Variants in STAG1 observed in about 807,000 individuals in gnomAD.
STAG1 encodes STAG1 cohesin complex component, also known as cohesin subunit SA-1.
Under a neutral mutation model 170.9 loss-of-function variants are expected in STAG1, and 26 were observed. The observed-to-expected ratio is 0.15, with a 90% CI of 0.11 to 0.21. STAG1 has a LOEUF of 0.21. STAG1 is among the 10% of genes least tolerant of loss of function. STAG1 has a pLI of 1.00. For synonymous variants in STAG1, 514 were observed against 497.7 expected (o/e 1.03, Z -0.44); for missense variants, 964 against 1,509.5 (o/e 0.64, Z 5.99).
intron 16 of STAG1, 97 bp downstream of exon 16, chr3:136,433,459 T>G: frequency 4.8e-6 from 4 of 836,488 alleles, no homozygotes; most frequent in African/African-American, 1.7e-5. Flanking sequence ...AAACACCATG[T>G]TTTTAGGGAT....
At chr3:136,439,267 C>T (rs2088557446) in intron 15 of STAG1, among the ~76,000 whole-genome samples, 2 of 148,560 alleles carry the variant, frequency 1.3e-5, no homozygotes, top group African/African-American at 5.0e-5. Flanking sequence ...AGCTGATATC[C>T]AGAAGTTACT....
In STAG1 at chr3:136,652,732, T is replaced by C. The variant is rs146945377; in HGVS notation, c.-83-21751A>G. Among the ~76,000 whole-genome samples the C allele has an allele frequency of 3.5e-3, 532 of 152,274 alleles. 2 individuals carry two copies. The highest frequency in any genetic ancestry group is 4.9e-3 in the Non-Finnish European group (332 of 68,012). On this transcript the variant is annotated intron_variant, in intron 1 of 33. Transcript: ENST00000383202. ...AAAATCTGTTAACATCTCCCTCCGA[T>C]AGCAATAACCAATCAGAAATTAAAA... is the stretch of plus-strand genomic sequence containing the variant.
intron 25 of STAG1, 55 bp downstream of exon 25, chr3:136,366,888 T>G: frequency 6.9e-7 from 1 of 1,439,320 alleles, no homozygotes; most frequent in Non-Finnish European, 9.5e-7. Context: ...TCCTTTCAAT[T>G]GCTAATTTCT....
At chr3:136,658,041 G>C (rs1364597604) in intron 1 of STAG1, among the ~76,000 whole-genome samples, 2 of 152,012 alleles carry the variant, frequency 1.3e-5, no homozygotes, top group Admixed American at 1.3e-4. Context: ...AACAAAATGA[G>C]GCTGGGTGCA....
chr3:136,625,635 T>C (rs144702760), intron 2 of STAG1, among the ~76,000 whole-genome samples: 96 of 152,232 alleles, frequency 6.3e-4, no homozygotes, highest in African/African-American at 2.2e-3. Context: ...ATCAGTCTTC[T>C]TGTGCCTCCT....
intron 1 of STAG1, among the ~76,000 whole-genome samples, chr3:136,751,453 T>C (rs1935232813): frequency 6.6e-6 from 1 of 151,594 alleles, no homozygotes; most frequent in Non-Finnish European, 1.5e-5. Flanking sequence ...GAAAACAACT[T>C]TTATTGGCCT....
At chr3:136,691,791 C>G (rs1222671474) in intron 1 of STAG1, among the ~76,000 whole-genome samples, 3 of 152,182 alleles carry the variant, frequency 2.0e-5, no homozygotes, top group African/African-American at 7.2e-5. Context: ...ATCTTCCTTA[C>G]AAGCCAGCTA....
chr3:136,489,319 A>T (rs943021337), intron 9 of STAG1, among the ~76,000 whole-genome samples: 1 of 152,204 alleles, frequency 6.6e-6, no homozygotes, highest in Non-Finnish European at 1.5e-5. Context: ...TTCTCAGCAG[A>T]TGGAAGTTTA....
chr3:136,363,522 A>G lies in STAG1; in HGVS notation c.2686-55T>C, dbSNP rs1352373273. ...TAAAATTACTGACATTTCATGAGAT[A>G]AAGAATAGGTTGGTGTCACCTCCTT... On this transcript the variant is annotated intron_variant, in intron 25 of 33. Transcript: ENST00000383202. 6.9e-6 allele frequency: 5 copies of G among 723,218 alleles called. No individual in the cohort carries two copies. The East Asian group carries it at 8.7e-5, about 13-fold the overall frequency. 44.8% of individuals were successfully genotyped at this position (723,218 alleles called of 1,614,324 possible). A position where few individuals can be genotyped will look rare whatever the true frequency, so the allele number is the denominator to read the frequency against.
chr3:136,701,494 T>C (rs1247515966), intron 1 of STAG1, among the ~76,000 whole-genome samples: 1 of 152,106 alleles, frequency 6.6e-6, no homozygotes, highest in Admixed American at 6.6e-5. Flanking sequence ...CTAGAAGTTA[T>C]TGTATCCTAT....
At chr3:136,744,928 G>A (rs879324069) in intron 1 of STAG1, among the ~76,000 whole-genome samples, 9 of 152,034 alleles carry the variant, frequency 5.9e-5, no homozygotes, top group South Asian at 2.1e-4. Flanking sequence ...CACCCGCCTC[G>A]GCCTCCCAGA....
intron 21 of STAG1, among the ~76,000 whole-genome samples, chr3:136,413,943 C>T (rs1028301420): frequency 7.9e-5 from 12 of 152,194 alleles, no homozygotes; most frequent in Admixed American, 6.5e-4. Flanking sequence ...TTTGGTTTCG[C>T]AGTGCATATA....
intron 3 of STAG1, among the ~76,000 whole-genome samples, chr3:136,608,864 C>T (rs1939107301): frequency 6.7e-6 from 1 of 149,886 alleles, no homozygotes; most frequent in African/African-American, 2.5e-5. Context: ...AGTACCTTTG[C>T]TTCTAGGTTC....
chr3:136,750,774 A>C (rs1935186216), intron 1 of STAG1, among the ~76,000 whole-genome samples: 1 of 152,248 alleles, frequency 6.6e-6, no homozygotes, highest in African/African-American at 2.4e-5. Flanking sequence ...ATCAAAAGCA[A>C]GGAAATAACA....
At chr3:136,375,243 T>C (rs570716417) in intron 23 of STAG1, among the ~76,000 whole-genome samples, 14 of 152,322 alleles carry the variant, frequency 9.2e-5, no homozygotes, top group Middle Eastern at 6.8e-3. Flanking sequence ...AATTTAATTA[T>C]ATAGAGACTT....
At chr3:136,514,090 T>G (rs912636167) in intron 7 of STAG1, among the ~76,000 whole-genome samples, 11 of 152,222 alleles carry the variant, frequency 7.2e-5, no homozygotes, top group Non-Finnish European at 1.6e-4. Flanking sequence ...TTTTCTCTTT[T>G]TCTGAATTCT....
chr3:136,363,555 G>GAAA (rs57329112), intron 25 of STAG1, 88 bp from the exon 26 acceptor site: 42 of 292,250 alleles, frequency 1.4e-4, no homozygotes, highest in East Asian at 5.8e-4. Context: ...CTTTGAAAAT[G>GAAA]AAAAAAAAAA....
intron 1 of STAG1, among the ~76,000 whole-genome samples, chr3:136,688,840 A>G (rs1453062745): frequency 2.6e-5 from 4 of 152,236 alleles, no homozygotes; most frequent in Non-Finnish European, 5.9e-5. Context: ...TGTGAGCCCC[A>G]AAGGATGGAC....
intron 1 of STAG1, among the ~76,000 whole-genome samples, chr3:136,666,635 T>C (rs1435025224): frequency 1.3e-5 from 2 of 152,004 alleles, no homozygotes; most frequent in African/African-American, 4.8e-5. Context: ...CTGGCCAACA[T>C]GGCGAAACCC....
Sources: gnomAD v4.1 joint callset for allele counts (sites outside exome capture counted in the v4.1 genomes callset) on GRCh38, gnomAD v4.1.1 for gene constraint, MANE v1.5 for transcripts, NCBI Gene and HGNC (gene_info 2026-07-23, HGNC 2026-07-21) for gene names.